Variants in LINGO2 observed in about 807,000 individuals in gnomAD.
LINGO2 encodes leucine-rich repeat and immunoglobulin-like domain-containing nogo receptor-interacting protein 2.
Under a neutral mutation model 30.6 loss-of-function variants are expected in LINGO2, and 14 were observed. The ratio of observed to expected loss-of-function variants is 0.46; its 90% CI spans 0.30 to 0.72. The LOEUF is 0.72. Among genes scored for constraint, LINGO2 ranks in the 30% least tolerant of loss-of-function variants. The probability of loss-of-function intolerance (pLI) is 0.07; values close to 1 mark genes in which losing one functional copy is unlikely to be tolerated. For synonymous variants in LINGO2, 317 were observed against 288.5 expected (o/e 1.10, Z -1.00); for missense variants, 729 against 751.7 (o/e 0.97, Z 0.35).
chr9:28,787,183 G>A, the LINGO2 span, among the ~76,000 whole-genome samples: 1 of 152,094 alleles, frequency 6.6e-6, no homozygotes, highest in Non-Finnish European at 1.5e-5. Context: ...GAGGACTAGG[G>A]GAGGGGAATA....
At chr9:29,058,546 T>C in the LINGO2 span, among the ~76,000 whole-genome samples, 1 of 152,036 alleles carries the variant, frequency 6.6e-6, no homozygotes, top group South Asian at 2.1e-4. Context: ...AAAATATTTT[T>C]TTTAATGATG....
chr9:28,252,944 A>G (rs1822256417), intron 4 of LINGO2, among the ~76,000 whole-genome samples: 1 of 152,104 alleles, frequency 6.6e-6, no homozygotes, highest in African/African-American at 2.4e-5. Flanking sequence ...ACACTTAAAA[A>G]ATATAAACAA....
chr9:28,021,808 T>C, intron 4 of LINGO2, among the ~76,000 whole-genome samples: 1 of 152,134 alleles, frequency 6.6e-6, no homozygotes, highest in East Asian at 1.9e-4. Flanking sequence ...TTCTTTTGAT[T>C]AGTAGGAGCA....
At chr9:29,090,972 C>A in the LINGO2 span, among the ~76,000 whole-genome samples, 1,079 of 152,062 alleles carry the variant, frequency 7.1e-3, 11 homozygotes, top group African/African-American at 0.025. Context: ...TTCCTACATG[C>A]ACAGTTATTT....
the LINGO2 span, among the ~76,000 whole-genome samples, chr9:28,889,624 G>C: frequency 1.5e-4 from 23 of 152,078 alleles, no homozygotes; most frequent in African/African-American, 5.5e-4. Context: ...AATTTTAAAT[G>C]TATTATTAAT....
At chr9:28,253,860 A>C (rs1355169264) in intron 4 of LINGO2, among the ~76,000 whole-genome samples, 1 of 152,110 alleles carries the variant, frequency 6.6e-6, no homozygotes. Context: ...ACACTGGGAA[A>C]AATGTGCACG....
intron 1 of LINGO2, among the ~76,000 whole-genome samples, chr9:28,576,172 C>T (rs528340645): frequency 6.6e-6 from 1 of 152,210 alleles, no homozygotes; most frequent in Non-Finnish European, 1.5e-5. Context: ...TTTGGCAACA[C>T]TGTACGCTCA....
intron 4 of LINGO2, among the ~76,000 whole-genome samples, chr9:28,126,028 A>C (rs1156721478): frequency 1.3e-5 from 2 of 152,196 alleles, no homozygotes; most frequent in Non-Finnish European, 2.9e-5. Flanking sequence ...GATTTAAATA[A>C]AGGGCCTTAA....
At chr9:28,323,780 G>A (rs188673179) in intron 3 of LINGO2, among the ~76,000 whole-genome samples, 1 of 152,154 alleles carries the variant, frequency 6.6e-6, no homozygotes, top group African/African-American at 2.4e-5. Flanking sequence ...AAAGGTAGAC[G>A]GCTAACATCA....
intron 2 of LINGO2, among the ~76,000 whole-genome samples, chr9:28,387,063 CTTG>C (rs1300155720): frequency 6.6e-6 from 1 of 152,152 alleles, no homozygotes; most frequent in Non-Finnish European, 1.5e-5. Flanking sequence ...TGAGTGGGGA[CTTG>C]GAGAACTTTT....
intron 2 of LINGO2, among the ~76,000 whole-genome samples, chr9:28,436,137 A>C (rs1823911634): frequency 6.6e-6 from 1 of 152,196 alleles, no homozygotes; most frequent in African/African-American, 2.4e-5. Context: ...AATTATCCAT[A>C]GCAACAACCT....
At chr9:29,174,267 T>C in the LINGO2 span, among the ~76,000 whole-genome samples, 1 of 152,194 alleles carries the variant, frequency 6.6e-6, no homozygotes, top group Non-Finnish European at 1.5e-5. Context: ...ATTTTCTCCC[T>C]GGGTCTCATC....
intron 4 of LINGO2, among the ~76,000 whole-genome samples, chr9:28,249,654 G>C (rs192072399): frequency 1.6e-3 from 250 of 152,144 alleles, no homozygotes; most frequent in African/African-American, 5.8e-3. Flanking sequence ...ACCCACTTGA[G>C]TTTTATTGGA....
At chr9:27,995,190 A>G (rs1050662808) in intron 5 of LINGO2, among the ~76,000 whole-genome samples, 1 of 152,152 alleles carries the variant, frequency 6.6e-6, no homozygotes, top group East Asian at 1.9e-4. Context: ...ATTGAACCAT[A>G]AAGAAATAGT....
the LINGO2 span, among the ~76,000 whole-genome samples, chr9:28,756,701 T>G: frequency 6.6e-6 from 1 of 151,956 alleles, no homozygotes; most frequent in African/African-American, 2.4e-5. Context: ...GAGTGAGTTC[T>G]CATGGTTCTG....
At chr9:28,866,772 G>A in the LINGO2 span, among the ~76,000 whole-genome samples, 1 of 152,092 alleles carries the variant, frequency 6.6e-6, no homozygotes, top group African/African-American at 2.4e-5. Context: ...ATCACCGGGG[G>A]GTAAATTCCA....
the LINGO2 span, among the ~76,000 whole-genome samples, chr9:28,980,239 C>T: frequency 2.0e-5 from 3 of 152,058 alleles, no homozygotes; most frequent in Non-Finnish European, 2.9e-5. Context: ...CCACATAGGG[C>T]CCAGCCAACA....
the LINGO2 span, among the ~76,000 whole-genome samples, chr9:28,939,183 T>TACTTAAGGCC: frequency 6.7e-6 from 1 of 148,974 alleles, no homozygotes; most frequent in Non-Finnish European, 1.5e-5. Context: ...CTACTTAAGC[T>TACTTAAGGCC]ACTTAAGGCT....
At chr9:28,469,398 G>A (rs887637147) in intron 2 of LINGO2, among the ~76,000 whole-genome samples, 1 of 152,112 alleles carries the variant, frequency 6.6e-6, no homozygotes, top group East Asian at 1.9e-4. Context: ...GTGATACAGA[G>A]ATTATTTGAA....
Sources: allele counts gnomAD v4.1 joint callset (sites outside exome capture counted in the v4.1 genomes callset), GRCh38; gene constraint gnomAD v4.1.1; transcripts MANE v1.5; gene names NCBI Gene and HGNC (gene_info 2026-07-23, HGNC 2026-07-21).